Variants in PHACTR2 observed in about 807,000 individuals in gnomAD.
The protein encoded by PHACTR2 is chromosome 6 open reading frame 56.
PHACTR2 carries 30 observed loss-of-function variants against 76.0 expected under a neutral mutation model. That is an observed-to-expected ratio of 0.39 (90% CI 0.30 to 0.54). PHACTR2 has a LOEUF of 0.54. Ranked by LOEUF, PHACTR2 falls within the 20% of genes least tolerant of loss-of-function variation. PHACTR2 has a pLI of 0.61. For missense variants in PHACTR2, 696 were observed against 781.1 expected (o/e 0.89, Z 1.30); for synonymous variants, 292 against 292.5 (o/e 1.00, Z 0.02).
Position 143,733,889 on chromosome 6 carries a change from C to T in PHACTR2, c.215-15096C>T, listed in dbSNP as rs981899790. Among the ~76,000 whole-genome samples, 53 of 152,116 alleles carry T rather than the reference C, an allele frequency of 3.5e-4. No homozygotes were observed. Among genetic ancestry groups the T allele is most frequent in the African/African-American group, 1.2e-3 (51 of 41,414 alleles). On this transcript the variant is annotated intron_variant, in intron 2 of 12. Transcript: ENST00000440869. The surrounding 1 kb of genome is among the most constrained non-coding windows in gnomAD (Gnocchi z 4.0). Reference sequence around the variant, plus strand: ...GAGATATTATATAATAATTTTATTACGTATGCTTTTAAAAAATATCGTCTA... The same window carrying T: ...GAGATATTATATAATAATTTTATTATGTATGCTTTTAAAAAATATCGTCTA...
rs533786574 is a variant in PHACTR2, at chr6:143,610,663, G to A, written c.13+2341G>A. 7.2e-5 allele frequency among the ~76,000 whole-genome samples: 11 copies of A among 152,274 alleles called. No homozygotes were observed. In the South Asian group the frequency reaches 1.9e-3, roughly 26 times the overall value. On this transcript the variant is annotated intron_variant, in intron 1 of 11. Transcript: ENST00000305766. The surrounding 1 kb of genome is among the most constrained non-coding windows in gnomAD (Gnocchi z 4.9). The stretch of plus-strand genomic sequence containing the variant: ...AGTAAGATGAGCTGCTTGGGACTCC[G>A]GCCCTTTTGGTGGGTGTGTGTACAT...
rs1420872884 is a variant in PHACTR2, at chr6:143,547,793, T to C, written c.217+10586T>C. Among the ~76,000 whole-genome samples, 4 of 152,318 alleles carry C rather than the reference T, an allele frequency of 2.6e-5. No individual in the cohort carries two copies. Among genetic ancestry groups the C allele is most frequent in the Non-Finnish European group, 5.9e-5 (4 of 68,020 alleles). On this transcript the variant is annotated intron_variant, in intron 1 of 11. Coordinates refer to the PHACTR2 transcript ENST00000367584. This position sits in a 1 kb window ranked among gnomAD's most constrained non-coding sequence, Gnocchi z 4.2. ...GCCAGGAACTGATACATTGATACAT[T>C]GGTTGTGATCAAGGAGGGCACTCTC...
intron 1 of PHACTR2, among the ~76,000 whole-genome samples, chr6:143,705,340 G>A (rs1181956451): frequency 6.8e-6 from 1 of 147,968 alleles, no homozygotes; most frequent in African/African-American, 2.6e-5. Flanking sequence ...TGTAGCCCAG[G>A]CTGGAGTGCA....
Position 143,647,231 on chromosome 6 carries a change from A to T in PHACTR2, c.13+38909A>T, listed in dbSNP as rs920877120. On this transcript the variant is annotated intron_variant, in intron 1 of 11. Transcript: ENST00000305766. The surrounding 1 kb of genome is among the most constrained non-coding windows in gnomAD (Gnocchi z 4.2). ...TTTTGCATCCCTTTCTGTGATGTAG[A>T]TAATATTAGTCCTATTTTGCAGATG... Among the ~76,000 whole-genome samples the T allele has an allele frequency of 6.6e-6, 1 of 152,244 alleles. No individual in the cohort carries two copies. The highest frequency in any genetic ancestry group is 6.5e-5 in the Admixed American group (1 of 15,284).
rs1776361016 is a variant in PHACTR2 at position 143,819,081 on chromosome 6, C to A, written c.1923-4593C>A. 6.6e-6 allele frequency among the ~76,000 whole-genome samples: 1 copy of A among 152,086 alleles called. No homozygotes were observed. The highest frequency in any genetic ancestry group is 2.4e-5 in the African/African-American group (1 of 41,406). ...GGGGCTTCTGATTGGACTCCTCAGT[C>A]ATATAGAATTATTTATAGAGCTAAC... On this transcript the variant is annotated intron_variant, in intron 12 of 12. Transcript: ENST00000440869. This position sits in a 1 kb window ranked among gnomAD's most constrained non-coding sequence, Gnocchi z 5.0.
In PHACTR2 at chr6:143,664,012, T is replaced by A. The variant is rs1337067162; in HGVS notation, c.14-48004T>A. Among the ~76,000 whole-genome samples, 4 of 152,126 alleles carry A rather than the reference T, an allele frequency of 2.6e-5. No individual in the cohort carries two copies. The highest frequency in any genetic ancestry group is 9.7e-5 in the African/African-American group (4 of 41,444). Reference sequence around the variant, plus strand: ...TGGTATGTTAAAAATCTCTCCTTATTATTGTGGATCTGTCCGTTTATCATT... The same window carrying A: ...TGGTATGTTAAAAATCTCTCCTTATAATTGTGGATCTGTCCGTTTATCATT... On this transcript the variant is annotated intron_variant, in intron 1 of 11. Coordinates refer to the PHACTR2 transcript ENST00000305766. This position sits in a 1 kb window ranked among gnomAD's most constrained non-coding sequence, Gnocchi z 5.1.
At position 143,647,056 on chromosome 6, in the gene PHACTR2, A is replaced by G. The variant is rs1346646751; in HGVS notation, c.13+38734A>G. Among the ~76,000 whole-genome samples, 1 of 152,164 alleles carries G rather than the reference A, an allele frequency of 6.6e-6. No homozygotes were observed. Among genetic ancestry groups the G allele is most frequent in the African/African-American group, 2.4e-5 (1 of 41,446 alleles). On this transcript the variant is annotated intron_variant, in intron 1 of 11. Coordinates refer to the PHACTR2 transcript ENST00000305766. This position sits in a 1 kb window ranked among gnomAD's most constrained non-coding sequence, Gnocchi z 4.2. ...GCTGTCAGCAGTTACATTTTTTTCT[A>G]AGGGGTAAAAAGCACAAACCAGAAT...
chr6:143,681,434 T>C (rs1431641383), intron 1 of PHACTR2, among the ~76,000 whole-genome samples: 3 of 152,160 alleles, frequency 2.0e-5, no homozygotes, highest in Non-Finnish European at 4.4e-5. Flanking sequence ...TGCCTAATTT[T>C]AGTTGGATAA....
intron 6 of PHACTR2, among the ~76,000 whole-genome samples, chr6:143,769,692 A>G (rs1467836982): frequency 6.6e-6 from 1 of 152,184 alleles, no homozygotes; most frequent in Non-Finnish European, 1.5e-5. Context: ...AATAATCAAT[A>G]TGATAATTAA....
In PHACTR2 at chr6:143,616,904, C is replaced by T. The variant is rs188866886; in HGVS notation, c.13+8582C>T. 1.3e-5 allele frequency among the ~76,000 whole-genome samples: 2 copies of T among 152,184 alleles called. No individual in the cohort carries two copies. The highest frequency in any genetic ancestry group is 1.3e-4 in the Admixed American group (2 of 15,290). On this transcript the variant is annotated intron_variant, in intron 1 of 11. Transcript: ENST00000305766. This position sits in a 1 kb window ranked among gnomAD's most constrained non-coding sequence, Gnocchi z 4.9. ...GCTGAGTGGCCGGCAAACACACACGCCCCCAGACAGGACGTTGACTGGGAT... is the reference window on the plus strand; with the variant it reads ...GCTGAGTGGCCGGCAAACACACACGTCCCCAGACAGGACGTTGACTGGGAT...
intron 1 of PHACTR2, among the ~76,000 whole-genome samples, chr6:143,629,608 T>C (rs1388844557): frequency 2.0e-5 from 3 of 151,970 alleles, no homozygotes; most frequent in African/African-American, 7.3e-5. Context: ...CTTTATGGAG[T>C]ATGAGTATGC....
rs948543873 is a variant in PHACTR2, at chr6:143,598,722, G to T, written c.217+61515G>T. On this transcript the variant is annotated intron_variant, in intron 1 of 11. Coordinates refer to the PHACTR2 transcript ENST00000367584. This position sits in a 1 kb window ranked among gnomAD's most constrained non-coding sequence, Gnocchi z 4.1. ...TGACTGTTATCCAGTGCCTTTCCTGGCTTTGTCCTTCGTATCAGATGCAGA... is the reference window on the plus strand; with the variant it reads ...TGACTGTTATCCAGTGCCTTTCCTGTCTTTGTCCTTCGTATCAGATGCAGA... Among the ~76,000 whole-genome samples the T allele has an allele frequency of 2.6e-5, 4 of 152,124 alleles. No homozygotes were observed. The highest frequency in any genetic ancestry group is 4.4e-5 in the Non-Finnish European group (3 of 68,022).
chr6:143,756,651 A>G (rs1033833973), intron 4 of PHACTR2, among the ~76,000 whole-genome samples: 2 of 150,802 alleles, frequency 1.3e-5, no homozygotes, highest in Non-Finnish European at 1.5e-5. Flanking sequence ...GTGAGCCGAG[A>G]TCGCACCACT....
rs1274130777 is a variant in PHACTR2 at position 143,742,613 on chromosome 6, C to T, written c.215-6372C>T. ...CCTTGTGCCCAGGGATGAGGTTAGC[C>T]TTCTACAAATAACATGGACTAAGAG... On this transcript the variant is annotated intron_variant, in intron 2 of 12. Coordinates refer to ENST00000440869, the MANE Select transcript of PHACTR2 (RefSeq NM_001100164.2). The surrounding 1 kb of genome is among the most constrained non-coding windows in gnomAD (Gnocchi z 4.5). Among the ~76,000 whole-genome samples, 2 of 152,148 alleles carry T rather than the reference C, an allele frequency of 1.3e-5. No individual in the cohort carries two copies. Among genetic ancestry groups the T allele is most frequent in the East Asian group, 1.9e-4 (1 of 5,184 alleles).
chr6:143,605,032 T>G (rs1775853230), upstream of PHACTR2, among the ~76,000 whole-genome samples: 1 of 151,896 alleles, frequency 6.6e-6, no homozygotes. The surrounding 1 kb of genome is among the most constrained non-coding windows in gnomAD (Gnocchi z 5.0). Flanking sequence ...GTGATGCGTT[T>G]GAAGACTCAG....
chr6:143,605,467 T>C (rs1775859646), upstream of PHACTR2, among the ~76,000 whole-genome samples: 1 of 152,166 alleles, frequency 6.6e-6, no homozygotes, highest in Non-Finnish European at 1.5e-5. The surrounding 1 kb of genome is among the most constrained non-coding windows in gnomAD (Gnocchi z 5.0). Context: ...AGGGAGTGGA[T>C]TCTCCCTGGA....
At chr6:143,600,821 C>T (rs1775807700) in intron 1 of PHACTR2, among the ~76,000 whole-genome samples, 1 of 152,158 alleles carries the variant, frequency 6.6e-6, no homozygotes, top group Non-Finnish European at 1.5e-5. Flanking sequence ...AAGCCTGAAG[C>T]TTTAAAAGAA....
chr6:143,815,948 T>G (rs1776286630), intron 12 of PHACTR2, among the ~76,000 whole-genome samples: 1 of 151,928 alleles, frequency 6.6e-6, no homozygotes, highest in South Asian at 2.1e-4. Context: ...TAAAATTAAA[T>G]TATAAAGGAA....
intron 1 of PHACTR2, among the ~76,000 whole-genome samples, chr6:143,588,009 T>C (rs137987786): frequency 2.0e-4 from 13 of 63,888 alleles, no homozygotes; most frequent in African/African-American, 6.6e-4. Context: ...TGAAACTCTG[T>C]CTCTAAAATA....
Sources: allele counts gnomAD v4.1 joint callset (sites outside exome capture counted in the v4.1 genomes callset), GRCh38; gene constraint gnomAD v4.1.1; non-coding constraint Gnocchi (gnomAD v3.1); transcripts MANE v1.5; gene names NCBI Gene and HGNC (gene_info 2026-07-23, HGNC 2026-07-21).